Variants in ANKFN1 observed in about 807,000 individuals in gnomAD.
The protein encoded by ANKFN1 is ankyrin repeat and fibronectin type III domain containing 1, also known as ankyrin repeat and fibronectin type-III domain-containing protein 1.
A neutral mutation model predicts 108.7 loss-of-function variants in ANKFN1; 74 were observed. The observed-to-expected ratio is 0.68, with a 90% CI of 0.56 to 0.83. The LOEUF (loss-of-function observed/expected upper bound fraction) is 0.83. Among genes scored for constraint, ANKFN1 ranks in the 40% least tolerant of loss-of-function variants. The pLI is 0.00. For synonymous variants in ANKFN1, 547 were observed against 516.2 expected (o/e 1.06, Z -0.81); for missense variants, 1,505 against 1,382.3 (o/e 1.09, Z -1.41).
chr17:56,134,492 A>G (rs909801651), intron 4 of ANKFN1, among the ~76,000 whole-genome samples: 1 of 152,136 alleles, frequency 6.6e-6, no homozygotes, highest in Admixed American at 6.6e-5. Flanking sequence ...TAACCTCAAA[A>G]GAACAAAAGA....
intron 8 of ANKFN1, among the ~76,000 whole-genome samples, chr17:56,395,090 T>C (rs541573183): frequency 6.6e-6 from 1 of 152,262 alleles, no homozygotes; most frequent in African/African-American, 2.4e-5. Context: ...ATACAATTTT[T>C]CCAATTATAA....
Position 56,441,447 on chromosome 17 carries a change from G to A in ANKFN1, c.1008+1023G>A, listed in dbSNP as rs151063940. 2.4e-3 allele frequency among the ~76,000 whole-genome samples: 362 copies of A among 152,142 alleles called. 1 individual carries two copies. Among genetic ancestry groups the A allele is most frequent in the African/African-American group, 7.6e-3 (314 of 41,516 alleles). On this transcript the variant is annotated intron_variant, in intron 9 of 20. Coordinates refer to ENST00000682825, the MANE Select transcript of ANKFN1 (RefSeq NM_001370326.1). ...TGGGTAATCACCACGGAATCCTGACGTTTAGTCCTAATCGCATATCTATAC... is the reference window on the plus strand; with the variant it reads ...TGGGTAATCACCACGGAATCCTGACATTTAGTCCTAATCGCATATCTATAC...
intron 8 of ANKFN1, among the ~76,000 whole-genome samples, chr17:56,409,535 T>C (rs2048025592): frequency 6.6e-6 from 1 of 152,156 alleles, no homozygotes; most frequent in Non-Finnish European, 1.5e-5. Flanking sequence ...CTCATACTAG[T>C]GTCATTTATT....
intron 6 of ANKFN1, among the ~76,000 whole-genome samples, chr17:56,354,384 GT>G (rs2046323108): frequency 6.6e-6 from 1 of 152,130 alleles, no homozygotes; most frequent in South Asian, 2.1e-4. Flanking sequence ...GCGTGTTTCT[GT>G]TTTGTATCCA....
intron 8 of ANKFN1, among the ~76,000 whole-genome samples, chr17:56,437,591 T>A (rs1294113527): frequency 6.6e-6 from 1 of 152,214 alleles, no homozygotes; most frequent in African/African-American, 2.4e-5. Context: ...TTGTTCTGTT[T>A]GTAATAACTT....
At chr17:56,105,650 C>T (rs1905733395) in intron 4 of ANKFN1, among the ~76,000 whole-genome samples, 1 of 148,894 alleles carries the variant, frequency 6.7e-6, no homozygotes, top group South Asian at 2.1e-4. Context: ...TGTCTGTCTC[C>T]TTCTTGGGGT....
intron 8 of ANKFN1, among the ~76,000 whole-genome samples, chr17:56,426,768 G>A (rs1304614403): frequency 6.6e-6 from 1 of 152,174 alleles, no homozygotes; most frequent in Non-Finnish European, 1.5e-5. Flanking sequence ...TCTTTGATCT[G>A]CTGAAGCCTA....
At chr17:56,057,222 A>G (rs113527650) in intron 4 of ANKFN1, among the ~76,000 whole-genome samples, 1 of 152,172 alleles carries the variant, frequency 6.6e-6, no homozygotes, top group Non-Finnish European at 1.5e-5. Context: ...TACTTCCTCC[A>G]CTGAAGGCTT....
At chr17:56,329,050 C>A (rs2045595050) in intron 4 of ANKFN1, among the ~76,000 whole-genome samples, 1 of 152,160 alleles carries the variant, frequency 6.6e-6, no homozygotes, top group Admixed American at 6.6e-5. Flanking sequence ...CCTCCCCTTT[C>A]CAGCAATCCT....
intron 8 of ANKFN1, among the ~76,000 whole-genome samples, chr17:56,380,509 G>T (rs1183888850): frequency 6.6e-6 from 1 of 152,274 alleles, no homozygotes; most frequent in South Asian, 2.1e-4. Context: ...AGCACAAGGA[G>T]TCAGGGAGTT....
At chr17:56,176,936 T>C (rs1190124920) in intron 1 of ANKFN1, among the ~76,000 whole-genome samples, 1 of 152,176 alleles carries the variant, frequency 6.6e-6, no homozygotes, top group East Asian at 1.9e-4. Context: ...TTGAAACACT[T>C]GCTATTCCCC....
chr17:56,500,212 A>G (rs1321638065), intron 20 of ANKFN1, among the ~76,000 whole-genome samples: 1 of 152,216 alleles, frequency 6.6e-6, no homozygotes, highest in African/African-American at 2.4e-5. Flanking sequence ...TATATTGTCA[A>G]TACCCTATTT....
chr17:56,465,396 T>C (rs1014505234), intron 14 of ANKFN1, among the ~76,000 whole-genome samples: 1 of 152,226 alleles, frequency 6.6e-6, no homozygotes, highest in Non-Finnish European at 1.5e-5. Flanking sequence ...GGGGTTTTCA[T>C]AGATGTAGAT....
At chr17:56,220,935 G>A (rs950275227) in intron 2 of ANKFN1, among the ~76,000 whole-genome samples, 4 of 151,420 alleles carry the variant, frequency 2.6e-5, no homozygotes, top group Non-Finnish European at 4.4e-5. Context: ...ACGAACGAAC[G>A]AAAGAAAGAC....
chr17:56,208,670 C>T (rs1015425611), intron 1 of ANKFN1, among the ~76,000 whole-genome samples: 6 of 152,158 alleles, frequency 3.9e-5, no homozygotes, highest in Non-Finnish European at 5.9e-5. Flanking sequence ...AAAAATTTCA[C>T]TCTGATCTTC....
chr17:56,355,358 A>T lies in ANKFN1; in HGVS notation c.601+1312A>T, dbSNP rs182194819. Among the ~76,000 whole-genome samples, 3 of 152,272 alleles carry T rather than the reference A, an allele frequency of 2.0e-5. No individual in the cohort carries two copies. The East Asian group carries it at 5.8e-4, about 29-fold the overall frequency. ...AACTATGAGAAGATGTGGGGGTCAA[A>T]TTCTCGGCAGAGTGAATGGCAAATA... On this transcript the variant is annotated intron_variant, in intron 6 of 20. Transcript: ENST00000682825.
chr17:56,146,172 T>C (rs1024983035), intron 4 of ANKFN1, among the ~76,000 whole-genome samples: 1 of 152,216 alleles, frequency 6.6e-6, no homozygotes, highest in African/African-American at 2.4e-5. Context: ...ATTATGCTGA[T>C]GCAAGAAGTG....
At chr17:56,124,688 C>T (rs1052744735) in intron 4 of ANKFN1, among the ~76,000 whole-genome samples, 1 of 152,212 alleles carries the variant, frequency 6.6e-6, no homozygotes, top group African/African-American at 2.4e-5. Flanking sequence ...AGCCACTAGA[C>T]ACAACTATAG....
chr17:56,206,429 A>C (rs1192117966), intron 1 of ANKFN1: 13 of 152,134 alleles, frequency 8.5e-5, no homozygotes. Context: ...TTTGAGAAGC[A>C]CAGGATGGAG....
Sources: gnomAD v4.1 joint callset for allele counts (sites outside exome capture counted in the v4.1 genomes callset) on GRCh38, gnomAD v4.1.1 for gene constraint, MANE v1.5 for transcripts, NCBI Gene and HGNC (gene_info 2026-07-23, HGNC 2026-07-21) for gene names.